Variants in SNIP1 observed in about 807,000 individuals in gnomAD.
The protein encoded by SNIP1 is Smad nuclear interacting protein 1.
In SNIP1, 23 loss-of-function variants were observed where a neutral mutation model predicts 37.4. That is an observed-to-expected ratio of 0.61 (90% CI 0.44 to 0.87). The LOEUF (loss-of-function observed/expected upper bound fraction) is 0.87, where lower values mean the gene tolerates loss of function less well. Among genes scored for constraint, SNIP1 ranks in the 40% least tolerant of loss-of-function variants. The probability of loss-of-function intolerance (pLI) is 0.00; values close to 1 mark genes in which losing one functional copy is unlikely to be tolerated. For missense variants in SNIP1, 459 were observed against 540.4 expected, an observed-to-expected ratio of 0.85 and a Z score of 1.49; for synonymous variants, 174 against 200.0, an observed-to-expected ratio of 0.87 and a Z score of 1.10.
intron 2 of SNIP1, among the ~76,000 whole-genome samples, chr1:37,550,142 T>C (rs183050891): frequency 9.4e-4 from 143 of 152,172 alleles, no homozygotes; most frequent in Admixed American, 2.1e-3. Flanking sequence ...AAAAAAAATT[T>C]AGGAGAAAAT....
intron 3 of SNIP1, among the ~76,000 whole-genome samples, 180 bp from the exon 4 acceptor site, chr1:37,538,192 T>G (rs1643122248): frequency 2.0e-5 from 3 of 152,042 alleles, no homozygotes; most frequent in Admixed American, 1.3e-4. Flanking sequence ...GAAGGAAAAT[T>G]GGAAGTTTAA....
chr1:37,548,179 AT>A (rs938074535), intron 2 of SNIP1, among the ~76,000 whole-genome samples: 7 of 145,818 alleles, frequency 4.8e-5, no homozygotes, highest in Non-Finnish European at 9.0e-5. Context: ...AAAAAAAGAT[AT>A]CTTAGGATGC....
chr1:37,543,093 C>A (rs2148113981), intron 2 of SNIP1, among the ~76,000 whole-genome samples: 1 of 147,928 alleles, frequency 6.8e-6, no homozygotes. Context: ...CCAATAAATA[C>A]ATGAAGATAT....
intron 2 of SNIP1, among the ~76,000 whole-genome samples, chr1:37,548,122 C>T (rs1194589027): frequency 2.0e-4 from 27 of 134,082 alleles, no homozygotes; most frequent in East Asian, 4.4e-4. Flanking sequence ...CACTGCACTC[C>T]AGCCTGGGCA....
Position 37,536,849 on chromosome 1 carries a change from C to T in SNIP1, c.*899G>A, listed in dbSNP as rs1643102665. ...AATGTGTAGAAACATGTAAACAACA[C>T]AACCTGCTTTAGATCTATACATGTT... On this transcript the variant is annotated 3_prime_UTR_variant, in exon 4 of 4. Coordinates refer to ENST00000296215, the MANE Select transcript of SNIP1 (RefSeq NM_024700.4). 3 of 152,132 alleles carry T rather than the reference C, an allele frequency of 2.0e-5. No homozygotes were observed. Among genetic ancestry groups the T allele is most frequent in the South Asian group, 4.1e-4 (2 of 4,830 alleles). 9.4% of individuals were successfully genotyped at this position (152,132 alleles called of 1,614,324 possible).
At position 37,542,052 on chromosome 1, in the gene SNIP1, C is replaced by T. The variant is rs151276659; in HGVS notation, c.328-1297G>A. 5.3e-3 allele frequency among the ~76,000 whole-genome samples: 803 copies of T among 152,130 alleles called. 10 individuals are homozygous for T. Among genetic ancestry groups the T allele is most frequent in the African/African-American group, 0.015 (628 of 41,504 alleles). ...TTTAAGTTGAGAACTTTCAACTTTT[C>T]GTTTAAAGGAAGCACTTTACAGCTT... On this transcript the variant is annotated intron_variant, in intron 2 of 3. Coordinates refer to ENST00000296215, the MANE Select transcript of SNIP1 (RefSeq NM_024700.4).
intron 3 of SNIP1, among the ~76,000 whole-genome samples, chr1:37,539,625 A>G (rs1312239392): frequency 6.6e-6 from 1 of 152,132 alleles, no homozygotes; most frequent in Admixed American, 6.6e-5. Context: ...CAGGGGAATC[A>G]CTTGAACCCG....
intron 1 of SNIP1, 79 bp from the exon 2 acceptor site, chr1:37,552,826 C>G (rs960060284): frequency 1.9e-5 from 21 of 1,131,860 alleles, no homozygotes; most frequent in Non-Finnish European, 2.6e-5. Context: ...TCAGGCTTAC[C>G]TACTAACACA....
chr1:37,537,791 T>C lies in SNIP1; in HGVS notation c.1148A>G (p.Asp383Gly), dbSNP rs143680314. 8.7e-6 allele frequency: 14 copies of C among 1,614,120 alleles called. No individual in the cohort carries two copies. The highest frequency in any genetic ancestry group is 8.0e-5 in the African/African-American group (6 of 74,956). The change falls in exon 4 of 4, where the codon GAT (aspartate) becomes GGT (glycine). Residue 383 changes from aspartate (D) to glycine (G), a missense_variant. Physicochemically the swap from Asp to Gly is moderately conservative, Grantham distance 94. Transcript: ENST00000296215. ...TTCCTCCTCCTCCTCATCCTCGTCA[T>C]CTTTCCTGTCTATTTCAGAAGTGTC... ...SSDTSEIDRKDDEDEEEEEEV... is the reference protein window; with the variant it reads ...SSDTSEIDRKGDEDEEEEEEV...
At chr1:37,552,379 C>T (rs1441165867) in intron 2 of SNIP1, 1 of 407,814 alleles carries the variant, frequency 2.5e-6, no homozygotes, top group Non-Finnish European at 4.5e-6. Context: ...TGGGAGAAAC[C>T]AGGAAGAGTA....
intron 2 of SNIP1, among the ~76,000 whole-genome samples, chr1:37,545,980 A>C (rs1404446093): frequency 6.6e-6 from 1 of 152,188 alleles, no homozygotes; most frequent in East Asian, 1.9e-4. Context: ...AAAACAGTAC[A>C]GTGGTTCCAT....
intron 2 of SNIP1, among the ~76,000 whole-genome samples, chr1:37,551,656 A>G (rs1643303560): frequency 6.6e-6 from 1 of 152,194 alleles, no homozygotes; most frequent in Non-Finnish European, 1.5e-5. Context: ...ATCCAAGGAC[A>G]GAGGATTTTT....
intron 2 of SNIP1, chr1:37,544,798 A>T: frequency 1.3e-6 from 1 of 746,792 alleles, no homozygotes; most frequent in Non-Finnish European, 2.5e-6. Context: ...GGTGCGCCAG[A>T]ACTACCGCCA....
chr1:37,539,952 C>A (rs1192493484), intron 3 of SNIP1, among the ~76,000 whole-genome samples: 3 of 150,650 alleles, frequency 2.0e-5, no homozygotes, highest in Non-Finnish European at 4.4e-5. Context: ...GACCTTGTCA[C>A]AAAAAAATAA....
At chr1:37,548,204 A>G (rs1342516077) in intron 2 of SNIP1, among the ~76,000 whole-genome samples, 4 of 151,030 alleles carry the variant, frequency 2.6e-5, no homozygotes, top group Admixed American at 2.6e-4. Flanking sequence ...AGTTCCTTAT[A>G]TAAAAATCTG....
In SNIP1 at chr1:37,537,579, T is replaced by G. The variant is rs944127078; in HGVS notation, c.*169A>C. 16 of 697,456 alleles carry G rather than the reference T, an allele frequency of 2.3e-5. No individual in the cohort carries two copies. Among genetic ancestry groups the G allele is most frequent in the Non-Finnish European group, 3.3e-5 (14 of 423,538 alleles). The allele number at this position is 697,456 out of a possible 1,614,324, so 43.2% of individuals were successfully genotyped here. On this transcript the variant is annotated 3_prime_UTR_variant, in exon 4 of 4. Transcript: ENST00000296215. ...AAAAAGTTTAACAAACATTAGTCAG[T>G]GTATTCAAATGGTAACACAATCTGG...
chr1:37,546,110 C>T (rs1469888494), intron 2 of SNIP1, among the ~76,000 whole-genome samples: 3 of 150,046 alleles, frequency 2.0e-5, no homozygotes, highest in Non-Finnish European at 4.4e-5. Flanking sequence ...CAGCATTATT[C>T]GCAATACCCT....
At chr1:37,538,508 CAAAAAAAAAAAA>C (rs35905865) in intron 3 of SNIP1, among the ~76,000 whole-genome samples, 1 of 57,956 alleles carries the variant, frequency 1.7e-5, no homozygotes, top group Non-Finnish European at 3.1e-5. Context: ...GACTCTGTCT[CAAAAAAAAAAAA>C]AAAAAAAAAG....
At position 37,534,489 on chromosome 1, in the gene SNIP1, C is replaced by G. The variant is rs545269152; in HGVS notation, c.*3259G>C. ...CAAAACTTTAATGTCAATTAAGCAGCCTTTTCACTTGATATAAACTCACAT... is the reference window on the plus strand; with the variant it reads ...CAAAACTTTAATGTCAATTAAGCAGGCTTTTCACTTGATATAAACTCACAT... On this transcript the variant is annotated 3_prime_UTR_variant, in exon 4 of 4. Coordinates refer to ENST00000296215, the MANE Select transcript of SNIP1 (RefSeq NM_024700.4). 9.2e-5 allele frequency: 14 copies of G among 152,292 alleles called. No homozygotes were observed. Among genetic ancestry groups the G allele is most frequent in the African/African-American group, 3.4e-4 (14 of 41,568 alleles). The allele number at this position is 152,292 out of a possible 1,614,324, so 9.4% of individuals were successfully genotyped here.
Sources: gnomAD v4.1 joint callset for allele counts (sites outside exome capture counted in the v4.1 genomes callset) on GRCh38, gnomAD v4.1.1 for gene constraint, MANE v1.5 for transcripts, NCBI Gene and HGNC (gene_info 2026-07-23, HGNC 2026-07-21) for gene names.